The following LRRC31 variants were observed in gnomAD, a reference collection of about 807,000 sequenced individuals.
LRRC31 encodes the protein leucine rich repeat containing 31.
A neutral mutation model predicts 46.7 loss-of-function variants in LRRC31; 35 were observed. That is an observed-to-expected ratio of 0.75 (90% CI 0.57 to 0.99). The LOEUF is 0.99. Among genes scored for constraint, LRRC31 ranks in the 50% least tolerant of loss-of-function variants. LRRC31 has a pLI of 0.00. For missense variants in LRRC31, 613 were observed against 626.1 expected (o/e 0.98, Z 0.22); for synonymous variants, 236 against 235.1 (o/e 1.00, Z -0.03).
chr3:169,840,405 T>C, intron 8 of LRRC31, 92 bp from the exon 9 acceptor site: 1 of 1,289,542 alleles, frequency 7.8e-7, no homozygotes, highest in Non-Finnish European at 1.1e-6. Flanking sequence ...CCAGGAATAG[T>C]AATGACAAGA....
chr3:169,839,271 A>C lies in LRRC31; in HGVS notation c.*711T>G, dbSNP rs542713286. On this transcript the variant is annotated 3_prime_UTR_variant, in exon 9 of 9. Transcript: ENST00000316428. ...AATTTTTTAAACAATAAAAGGTTTT[A>C]ATTTATTCTAACAAGATATGTTTTT... The C allele has an allele frequency of 1.4e-4, 21 of 152,376 alleles. No individual in the cohort carries two copies. Among genetic ancestry groups the C allele is most frequent in the Non-Finnish European group, 2.8e-4 (19 of 68,018 alleles). 9.4% of individuals were successfully genotyped at this position (152,376 alleles called of 1,614,324 possible).
At chr3:169,864,777 T>TA (rs1379125634) in intron 1 of LRRC31, among the ~76,000 whole-genome samples, 3 of 152,160 alleles carry the variant, frequency 2.0e-5, no homozygotes, top group East Asian at 1.9e-4. Context: ...TTTCAATTTT[T>TA]AAAAAATCTG....
At chr3:169,866,594 G>T (rs2108231240) in intron 1 of LRRC31, among the ~76,000 whole-genome samples, 1 of 152,182 alleles carries the variant, frequency 6.6e-6, no homozygotes, top group East Asian at 1.9e-4. Flanking sequence ...TCTACTTGCT[G>T]CTAAAACTGT....
In LRRC31 at chr3:169,857,415, C is replaced by CATATATACATATAT. The variant is rs144038208; in HGVS notation, c.488-544_488-543insATATATGTATATAT. ...ATACATACACACACATATACATATACATATATATATATATGAGGAATATCA... is the reference window on the plus strand; with the variant it reads ...ATACATACACACACATATACATATACATATATACATATATATATATATATATATGAGGAATATCA... On this transcript the variant is annotated intron_variant, in intron 3 of 8. Coordinates refer to ENST00000316428, the MANE Select transcript of LRRC31 (RefSeq NM_024727.4). 3.0e-4 allele frequency among the ~76,000 whole-genome samples: 30 copies of CATATATACATATAT among 98,690 alleles called. 1 individual carries two copies. The highest frequency in any genetic ancestry group is 2.9e-4 in the African/African-American group (8 of 27,634). The allele number at this position is 98,690 out of a possible 152,430, so 64.7% of individuals were successfully genotyped here. A position where few individuals can be genotyped will look rare whatever the true frequency, so the allele number is the denominator to read the frequency against.
rs749998683 is a variant in LRRC31 at position 169,840,056 on chromosome 3, G to A, written c.1585C>T (p.Gln529Ter). 7.4e-6 allele frequency: 12 copies of A among 1,614,018 alleles called. No homozygotes were observed. The South Asian group carries it at 1.3e-4, about 18-fold the overall frequency. Residue 529 changes from glutamine to a stop codon, truncating the protein, a stop_gained, in exon 9 of 9, where the codon CAG (glutamine) becomes TAG (stop). Transcript: ENST00000316428. LOFTEE classifies it low-confidence loss of function (END_TRUNC). ...GMKRWILPAS[Q>*]EEELECFDQD... is the part of the protein sequence containing the mutation. ...TCAAAGCATTCTAGTTCTTCCTCCT[G>A]TGAAGCTGGGAGAATCCATCTTTTC...
intron 1 of LRRC31, among the ~76,000 whole-genome samples, chr3:169,866,399 G>T (rs148187248): frequency 7.9e-5 from 12 of 152,258 alleles, no homozygotes; most frequent in African/African-American, 2.9e-4. Context: ...TTGCACAGCA[G>T]GGATGACCCC....
In LRRC31 at chr3:169,866,896, A is replaced by C. The variant is rs548798184; in HGVS notation, c.175+2737T>G. On this transcript the variant is annotated intron_variant, in intron 1 of 8. Coordinates refer to ENST00000316428, the MANE Select transcript of LRRC31 (RefSeq NM_024727.4). Reference sequence around the variant, plus strand: ...AGAATCACTTGAACCTGGGAGGCAGAGGTTGCAGTGAGCCGAGATCACACT... The same window carrying C: ...AGAATCACTTGAACCTGGGAGGCAGCGGTTGCAGTGAGCCGAGATCACACT... Among the ~76,000 whole-genome samples, 5 of 151,594 alleles carry C rather than the reference A, an allele frequency of 3.3e-5. No individual in the cohort carries two copies. In the South Asian group the frequency reaches 1.1e-3, roughly 32 times the overall value.
At chr3:169,843,566 C>T (rs747211692) in intron 8 of LRRC31, among the ~76,000 whole-genome samples, 2 of 152,216 alleles carry the variant, frequency 1.3e-5, no homozygotes, top group Non-Finnish European at 2.9e-5. Flanking sequence ...GCACCCCAGA[C>T]TTCACCACTA....
intron 1 of LRRC31, among the ~76,000 whole-genome samples, chr3:169,866,899 T>C (rs1443887079): frequency 6.6e-6 from 1 of 151,412 alleles, no homozygotes; most frequent in Non-Finnish European, 1.5e-5. Context: ...GAGGCAGAGG[T>C]TGCAGTGAGC....
At chr3:169,868,487 G>T (rs1467878333) in intron 1 of LRRC31, among the ~76,000 whole-genome samples, 2 of 152,086 alleles carry the variant, frequency 1.3e-5, no homozygotes, top group Non-Finnish European at 2.9e-5. Context: ...ATCACCACCT[G>T]AAGTTATATC....
rs1560636129 is a variant in LRRC31, at chr3:169,867,050, TGTTTGTTTG to T, written c.175+2574_175+2582del. Among the ~76,000 whole-genome samples, 10 of 128,790 alleles carry T rather than the reference TGTTTGTTTG, an allele frequency of 7.8e-5. 1 individual carries two copies. The highest frequency in any genetic ancestry group is 2.7e-4 in the African/African-American group (7 of 25,998). 84.5% of individuals were successfully genotyped at this position (128,790 alleles called of 152,430 possible). A position where few individuals can be genotyped will look rare whatever the true frequency, so the allele number is the denominator to read the frequency against. On this transcript the variant is annotated intron_variant, in intron 1 of 8. Transcript: ENST00000316428. ...AAATTGGCCATGGGTTTTTTTTGTT[TGTTTGTTTG>T]TTTTTTTTTTTTTGAGGGTCTTGCT...
At position 169,840,048 on chromosome 3, in the gene LRRC31, T is replaced by TTCC; in HGVS notation, c.1590_1592dup (p.Glu532dup). The stretch of plus-strand genomic sequence containing the variant: ...TATCTTGGTCAAAGCATTCTAGTTC[T>TTCC]TCCTCCTGTGAAGCTGGGAGAATCC... On this transcript the variant is annotated inframe_insertion, in exon 9 of 9. Transcript: ENST00000316428. 6.2e-7 allele frequency: 1 copy of TTCC among 1,614,102 alleles called. No individual in the cohort carries two copies.
Position 169,851,662 on chromosome 3 carries a change from A to G in LRRC31, c.1116T>C (p.Val372=). 1.2e-6 allele frequency: 2 copies of G among 1,614,226 alleles called. No individual in the cohort carries two copies. Among genetic ancestry groups the G allele is most frequent in the Non-Finnish European group, 1.7e-6 (2 of 1,180,040 alleles). The part of the protein sequence containing the change: ...LRFLPALKSL[V]INNCALESET... ...CACTCTCCAAAGCACAGTTGTTGAT[A>G]ACTAATGACTTCAATGCTGGTAAAA... The change falls in exon 7 of 9, where the codon GTT becomes GTC. Residue 372 remains valine (V), a synonymous_variant. Transcript: ENST00000316428.
At chr3:169,855,132 A>G (rs2108213770) in intron 5 of LRRC31, 152 bp from the exon 6 acceptor site, 1 of 584,400 alleles carries the variant, frequency 1.7e-6, no homozygotes. Context: ...TCTTAAAAAA[A>G]GAAAAACCGG....
At chr3:169,864,363 A>G (rs1046110657) in intron 1 of LRRC31, among the ~76,000 whole-genome samples, 2 of 152,230 alleles carry the variant, frequency 1.3e-5, no homozygotes, top group Non-Finnish European at 2.9e-5. Flanking sequence ...ATCTCTTCTC[A>G]GTCCACATCC....
At chr3:169,844,228 C>A (rs540009838) in intron 8 of LRRC31, among the ~76,000 whole-genome samples, 1 of 152,188 alleles carries the variant, frequency 6.6e-6, no homozygotes, top group East Asian at 1.9e-4. Context: ...CAAATAACAT[C>A]CAACGCTATA....
At chr3:169,861,926 T>TA (rs765651378) in intron 1 of LRRC31, 113 bp from the exon 2 acceptor site, 203 of 1,158,282 alleles carry the variant, frequency 1.8e-4, no homozygotes, top group Non-Finnish European at 2.4e-4. Context: ...TGCTCTTTTA[T>TA]AAAAACCTCA....
intron 8 of LRRC31, 106 bp from the exon 9 acceptor site, chr3:169,840,419 G>C: frequency 8.6e-7 from 1 of 1,164,712 alleles, no homozygotes; most frequent in South Asian, 1.3e-5. Context: ...GACAAGATTA[G>C]TAATTAGTAA....
chr3:169,848,142 C>CA lies in LRRC31; in HGVS notation c.1304dup (p.Thr436AspfsTer28). 1 of 1,613,860 alleles carries CA rather than the reference C, an allele frequency of 6.2e-7. No individual in the cohort carries two copies. Among genetic ancestry groups the CA allele is most frequent in the South Asian group, 1.1e-5 (1 of 91,056 alleles). ...CACCCAGGAGAGCCACATCCTCTGTCACCAGGGAACAGCTGCTCAGCCTCA... is the reference window on the plus strand; with the variant it reads ...CACCCAGGAGAGCCACATCCTCTGTCAACCAGGGAACAGCTGCTCAGCCTCA... On this transcript the variant is annotated frameshift_variant, in exon 8 of 9. Coordinates refer to ENST00000316428, the MANE Select transcript of LRRC31 (RefSeq NM_024727.4). LOFTEE classifies it low-confidence loss of function (END_TRUNC).
Sources: gnomAD v4.1 joint callset for allele counts (sites outside exome capture counted in the v4.1 genomes callset) on GRCh38, gnomAD v4.1.1 for gene constraint, MANE v1.5 for transcripts, NCBI Gene and HGNC (gene_info 2026-07-23, HGNC 2026-07-21) for gene names.